ATP11C: variants seen among roughly 807,000 people sequenced by gnomAD.
The protein encoded by ATP11C is ATPase phospholipid transporting 11C (ATP11C blood group).
A neutral mutation model predicts 97.4 loss-of-function variants in ATP11C; 36 were observed. The observed-to-expected ratio is 0.37, with a 90% confidence interval of 0.28 to 0.49. ATP11C has a LOEUF of 0.49. Ranked by LOEUF, ATP11C falls within the 20% of genes least tolerant of loss-of-function variation. The probability of loss-of-function intolerance (pLI) is 0.98; values close to 1 mark genes in which losing one functional copy is unlikely to be tolerated. For synonymous variants in ATP11C, 275 were observed against 290.9 expected (o/e 0.95, Z 0.56); for missense variants, 730 against 824.6 (o/e 0.89, Z 1.40).
chrX:139,826,132 C>T (rs188449243), intron 2 of ATP11C, among the ~76,000 whole-genome samples: 2 of 111,538 alleles, frequency 1.8e-5, no homozygotes, highest in East Asian at 5.6e-4. Context: ...AAGAAAGATG[C>T]AGTCAAACGG....
intron 1 of ATP11C, among the ~76,000 whole-genome samples, chrX:139,925,536 G>GA (rs1215400374): frequency 9.2e-6 from 1 of 109,083 alleles, no homozygotes; most frequent in Non-Finnish European, 1.9e-5. Flanking sequence ...TACTGACTCA[G>GA]ACTGTGTTAC....
chrX:139,824,665 C>T (rs1031132403), intron 2 of ATP11C, among the ~76,000 whole-genome samples: 4 of 111,048 alleles, frequency 3.6e-5, no homozygotes, highest in East Asian at 2.8e-4. Context: ...CCAGCCTGGA[C>T]GACAGAGCGA....
Position 139,782,456 on chromosome X carries a change from T to C in ATP11C, c.1952+91A>G, listed in dbSNP as rs1043658157. On this transcript the variant is annotated intron_variant, in intron 18 of 29. Transcript: ENST00000682941. ...TCCACTTAAACAATAAAACTAAAGA[T>C]TTCAAACTTCGAGATTAAATTACTA... 6.4e-5 allele frequency: 39 copies of C among 609,721 alleles called. No individual in the cohort carries two copies. The East Asian group carries it at 1.3e-3, about 21-fold the overall frequency. 50.2% of individuals were successfully genotyped at this position (609,721 alleles called of 1,213,427 possible).
intron 23 of ATP11C, 24 bp from the exon 24 acceptor site, chrX:139,750,176 A>G (rs779715769): frequency 1.7e-6 from 2 of 1,151,159 alleles, no homozygotes; most frequent in Non-Finnish European, 2.3e-6. Context: ...CAACAGAGGA[A>G]AGAAAGAAAT....
intron 1 of ATP11C, among the ~76,000 whole-genome samples, chrX:139,907,793 G>C (rs965913889): frequency 1.8e-5 from 2 of 109,930 alleles, no homozygotes; most frequent in African/African-American, 6.6e-5. Flanking sequence ...TACCTTCTCT[G>C]GGTTGTTACA....
intron 1 of ATP11C, among the ~76,000 whole-genome samples, chrX:139,869,586 A>G (rs2084337051): frequency 1.0e-5 from 1 of 100,315 alleles, no homozygotes; most frequent in Non-Finnish European, 2.0e-5. Flanking sequence ...GTTCAAGACT[A>G]GCCTGGCCAA....
intron 1 of ATP11C, among the ~76,000 whole-genome samples, chrX:139,830,738 A>C (rs919338241): frequency 2.7e-5 from 3 of 112,149 alleles, no homozygotes; most frequent in African/African-American, 9.7e-5. Flanking sequence ...CAATGATTTA[A>C]AATGGTTCTC....
intron 18 of ATP11C, among the ~76,000 whole-genome samples, chrX:139,779,724 C>T (rs1444683567): frequency 9.0e-6 from 1 of 111,109 alleles, no homozygotes; most frequent in Non-Finnish European, 1.9e-5. Flanking sequence ...AGAGGAGTAA[C>T]AAAGATTGTA....
At chrX:139,737,421 G>C (rs2081466675) in intron 28 of ATP11C, among the ~76,000 whole-genome samples, 1 of 110,720 alleles carries the variant, frequency 9.0e-6, no homozygotes, top group Non-Finnish European at 1.9e-5. Context: ...ATTCTCTTTG[G>C]TTCAAATATA....
intron 1 of ATP11C, among the ~76,000 whole-genome samples, chrX:139,896,853 C>T (rs1325179019): frequency 9.1e-6 from 1 of 110,402 alleles, no homozygotes; most frequent in Non-Finnish European, 1.9e-5. Context: ...AAGGCCCAGT[C>T]AGCCTCCCAA....
At chrX:139,766,298 A>T (rs761212159) in intron 20 of ATP11C, among the ~76,000 whole-genome samples, 2 of 112,154 alleles carry the variant, frequency 1.8e-5, no homozygotes, top group East Asian at 5.6e-4. Context: ...AAGAAGCAGC[A>T]TGGGGTCAGG....
At chrX:139,854,201 T>C (rs1488643207) in intron 1 of ATP11C, among the ~76,000 whole-genome samples, 1 of 112,292 alleles carries the variant, frequency 8.9e-6, no homozygotes, top group Non-Finnish European at 1.9e-5. Context: ...CTTAAAGTAC[T>C]TACAGAATCA....
intron 1 of ATP11C, among the ~76,000 whole-genome samples, chrX:139,855,922 C>G (rs1392522108): frequency 8.9e-6 from 1 of 111,937 alleles, no homozygotes; most frequent in East Asian, 2.8e-4. Flanking sequence ...TTCTGTGGAC[C>G]ACTAAAGAGC....
At chrX:139,823,196 A>G (rs1336404687) in intron 2 of ATP11C, among the ~76,000 whole-genome samples, 1 of 111,626 alleles carries the variant, frequency 9.0e-6, no homozygotes, top group Non-Finnish European at 1.9e-5. Context: ...TGGGCGACAG[A>G]GACTCTTGTC....
intron 4 of ATP11C, among the ~76,000 whole-genome samples, chrX:139,815,372 A>C (rs181397415): frequency 1.8e-3 from 198 of 112,206 alleles, no homozygotes; most frequent in Non-Finnish European, 2.9e-3. Context: ...ATAATCACTT[A>C]CATATAATCT....
At chrX:139,916,078 A>G (rs184438377) in intron 1 of ATP11C, among the ~76,000 whole-genome samples, 25 of 109,966 alleles carry the variant, frequency 2.3e-4, no homozygotes, top group African/African-American at 7.6e-4. Flanking sequence ...AAAATACAAA[A>G]ATTAGCTGTG....
chrX:139,754,236 A>G (rs2081884505), intron 23 of ATP11C, among the ~76,000 whole-genome samples: 2 of 111,864 alleles, frequency 1.8e-5, no homozygotes, highest in African/African-American at 3.3e-5. Context: ...AGAAATGGTT[A>G]AATTTCTGGA....
intron 4 of ATP11C, among the ~76,000 whole-genome samples, chrX:139,815,755 A>C (rs1740733186): frequency 9.0e-6 from 1 of 110,990 alleles, no homozygotes; most frequent in African/African-American, 3.3e-5. Context: ...GTACCTTTTC[A>C]AACACAACTG....
rs1307511774 is a variant in ATP11C, at chrX:139,814,935, G to A, written c.369C>T (p.Ser123=). The A allele has an allele frequency of 5.9e-6, 7 of 1,182,232 alleles. No individual in the cohort carries two copies. The Admixed American group carries it at 1.7e-4, about 29-fold the overall frequency. Residue 123 remains serine, a synonymous_variant, in exon 5 of 30, where the codon AGC becomes AGT. Coordinates refer to ENST00000682941, the MANE Select transcript of ATP11C (RefSeq NM_001353812.2). ...TTGCATTTTCAATAATGTAAACAGT[G>A]CTTTTGTTGACTTCATTGTCAGCTC... ...RHRADNEVNK[S]TVYIIENAKR... is the part of the protein sequence containing the mutation.
Sources: allele counts gnomAD v4.1 joint callset (sites outside exome capture counted in the v4.1 genomes callset), GRCh38; gene constraint gnomAD v4.1.1; transcripts MANE v1.5; gene names NCBI Gene and HGNC (gene_info 2026-07-23, HGNC 2026-07-21).